ACTN4: variants seen among roughly 807,000 people sequenced by gnomAD.
The protein encoded by ACTN4 is alpha-actinin-4.
ACTN4 carries 18 observed loss-of-function variants against 114.2 expected under a neutral mutation model. That is an observed-to-expected ratio of 0.16 (90% CI 0.11 to 0.23). The LOEUF (loss-of-function observed/expected upper bound fraction) is 0.23, where lower values mean the gene tolerates loss of function less well. Ranked by LOEUF, ACTN4 falls within the 10% of genes least tolerant of loss-of-function variation. ACTN4 has a pLI of 1.00. For synonymous variants in ACTN4, 515 were observed against 506.3 expected (o/e 1.02, Z -0.23); for missense variants, 722 against 1,262.9 (o/e 0.57, Z 6.49).
intron 1 of ACTN4, among the ~76,000 whole-genome samples, chr19:38,678,666 C>CCTTTTT (rs1291280095): frequency 1.3e-5 from 2 of 152,216 alleles, no homozygotes; most frequent in African/African-American, 4.8e-5. Context: ...ACACAGCCAC[C>CCTTTTT]CTTTTTCTCT....
intron 1 of ACTN4, among the ~76,000 whole-genome samples, chr19:38,691,039 G>A (rs1334305883): frequency 2.6e-5 from 4 of 152,178 alleles, no homozygotes; most frequent in Non-Finnish European, 5.9e-5. Flanking sequence ...CCTCCTCTGG[G>A]GAGCTTATGC....
chr19:38,682,777 C>T (rs369262530), intron 1 of ACTN4, among the ~76,000 whole-genome samples: 152 of 152,314 alleles, frequency 1.0e-3, no homozygotes, highest in African/African-American at 3.4e-3. Context: ...GCTCCAGCCA[C>T]ACTCACCAGG....
chr19:38,729,714 A>G lies in ACTN4; in HGVS notation c.*282A>G, dbSNP rs1422714082. The G allele has an allele frequency of 1.6e-6, 1 of 624,022 alleles. No individual in the cohort carries two copies. The highest frequency in any genetic ancestry group is 3.0e-6 in the Non-Finnish European group (1 of 336,962). 38.7% of individuals were successfully genotyped at this position (624,022 alleles called of 1,614,324 possible). A position where few individuals can be genotyped will look rare whatever the true frequency, so the allele number is the denominator to read the frequency against. ...TTTTTAACCAAGGAGGGGCCAGTGG[A>G]TTCCCACAGCACAACCGGTCCCTTC... is the stretch of plus-strand genomic sequence containing the variant. On this transcript the variant is annotated 3_prime_UTR_variant, in exon 21 of 21. Coordinates refer to ENST00000252699, the MANE Select transcript of ACTN4 (RefSeq NM_004924.6).
rs528178848 is a variant in ACTN4 at position 38,714,654 on chromosome 19, G to A, written c.912+93G>A. The A allele has an allele frequency of 5.9e-3, 7,854 of 1,327,430 alleles. 43 individuals are homozygous for A. The highest frequency in any genetic ancestry group is 7.7e-3 in the Non-Finnish European group (7,170 of 932,278). 82.2% of individuals were successfully genotyped at this position (1,327,430 alleles called of 1,614,324 possible). ...GCAGGGGGAAAGCAGGTGTGGCAGC[G>A]AGATGACCTAGAAAAGGCTGCGTGG... is the stretch of plus-strand genomic sequence containing the variant. On this transcript the variant is annotated intron_variant, in intron 9 of 20. Transcript: ENST00000252699.
chr19:38,679,778 G>A (rs1339134859), intron 1 of ACTN4, among the ~76,000 whole-genome samples: 1 of 152,002 alleles, frequency 6.6e-6, no homozygotes, highest in Non-Finnish European at 1.5e-5. Context: ...TTACAAGTGT[G>A]AGCCACCGCA....
At position 38,724,409 on chromosome 19, in the gene ACTN4, C is replaced by T. The variant is rs753815188; in HGVS notation, c.1876-22C>T. ...TGGGGGCCACCTCCCTGACCGCTCC[C>T]ACACCGCGTCTCCTCTGCCAGGTGC... is the stretch of plus-strand genomic sequence containing the variant. On this transcript the variant is annotated intron_variant, in intron 15 of 20. Transcript: ENST00000252699. The surrounding 1 kb of genome is among the most constrained non-coding windows in gnomAD (Gnocchi z 7.0). The T allele has an allele frequency of 1.2e-6, 2 of 1,612,548 alleles. No individual in the cohort carries two copies. Among genetic ancestry groups the T allele is most frequent in the Admixed American group, 1.7e-5 (1 of 59,950 alleles).
chr19:38,679,807 T>C (rs1967499149), intron 1 of ACTN4, among the ~76,000 whole-genome samples: 1 of 152,160 alleles, frequency 6.6e-6, no homozygotes, highest in Non-Finnish European at 1.5e-5. Context: ...ATGTATGTAT[T>C]TTTAAACATA....
At chr19:38,677,164 C>G (rs540848244) in intron 1 of ACTN4, among the ~76,000 whole-genome samples, 15 of 152,176 alleles carry the variant, frequency 9.9e-5, no homozygotes, top group Admixed American at 9.8e-4. Flanking sequence ...GCCGTCGCAC[C>G]TGACACCTCC....
At chr19:38,667,523 T>G (rs1966997733) in intron 1 of ACTN4, among the ~76,000 whole-genome samples, 1 of 152,164 alleles carries the variant, frequency 6.6e-6, no homozygotes, top group South Asian at 2.1e-4. Flanking sequence ...TGCTGCTGCT[T>G]TTTCAGAGAC....
At chr19:38,677,064 G>A (rs777196280) in intron 1 of ACTN4, among the ~76,000 whole-genome samples, 21 of 152,094 alleles carry the variant, frequency 1.4e-4, no homozygotes, top group South Asian at 4.1e-4. Flanking sequence ...GACTTCACAC[G>A]GGGCCCTTGC....
At chr19:38,723,825 G>T (rs922160075) in intron 13 of ACTN4, 103 bp downstream of exon 13, 254 of 1,464,470 alleles carry the variant, frequency 1.7e-4, no homozygotes, top group Non-Finnish European at 2.2e-4. Flanking sequence ...CACCTCCCAC[G>T]GAGAGGATGT....
At chr19:38,693,896 A>G (rs1243668966) in intron 1 of ACTN4, among the ~76,000 whole-genome samples, 1 of 152,086 alleles carries the variant, frequency 6.6e-6, no homozygotes, top group Non-Finnish European at 1.5e-5. Flanking sequence ...GTGGATCCCA[A>G]CTCAACTGAC....
chr19:38,669,745 T>G (rs1181575885), intron 1 of ACTN4, among the ~76,000 whole-genome samples: 1 of 152,180 alleles, frequency 6.6e-6, no homozygotes, highest in African/African-American at 2.4e-5. Flanking sequence ...TTTAACAGGC[T>G]GGTAACAGTG....
intron 1 of ACTN4, among the ~76,000 whole-genome samples, chr19:38,691,895 CTG>C (rs1449154648): frequency 1.3e-5 from 2 of 152,176 alleles, no homozygotes; most frequent in Non-Finnish European, 2.9e-5. Context: ...CAGCGAGACT[CTG>C]TCTCAAAACA....
chr19:38,673,286 G>A (rs902467299), intron 1 of ACTN4, among the ~76,000 whole-genome samples: 5 of 150,964 alleles, frequency 3.3e-5, no homozygotes, highest in Admixed American at 6.7e-5. Context: ...ACTATGTGCC[G>A]TAAACAAGGT....
intron 19 of ACTN4, 22 bp downstream of exon 19, chr19:38,728,048 C>T (rs376713610): frequency 5.6e-5 from 90 of 1,594,362 alleles, no homozygotes; most frequent in Middle Eastern, 3.3e-4. Context: ...TGGGCCCCAG[C>T]GGACCATGGC....
At chr19:38,714,140 C>G (rs777270009) in intron 8 of ACTN4, among the ~76,000 whole-genome samples, 10 of 152,306 alleles carry the variant, frequency 6.6e-5, no homozygotes, top group South Asian at 2.1e-4. Flanking sequence ...CCTCCGCAGT[C>G]TTAGGTCCAA....
Position 38,717,049 on chromosome 19 carries a change from C to A in ACTN4, c.913-37C>A. 6.3e-7 allele frequency: 1 copy of A among 1,588,866 alleles called. No homozygotes were observed. The highest frequency in any genetic ancestry group is 1.1e-5 in the South Asian group (1 of 88,408). On this transcript the variant is annotated intron_variant, in intron 9 of 20. Coordinates refer to ENST00000252699, the MANE Select transcript of ACTN4 (RefSeq NM_004924.6). This position sits in a 1 kb window ranked among gnomAD's most constrained non-coding sequence, Gnocchi z 4.0. ...GGCAGCCCGTCAGCACTCTGAGGGTCCCCCACAAAGGCCACGCTGGCTTCT... is the reference window on the plus strand; with the variant it reads ...GGCAGCCCGTCAGCACTCTGAGGGTACCCCACAAAGGCCACGCTGGCTTCT...
At position 38,647,674 on chromosome 19, in the gene ACTN4, C is replaced by T. The variant is rs1018493210; in HGVS notation, c.-72C>T. On this transcript the variant is annotated 5_prime_UTR_variant, in exon 1 of 21. Coordinates refer to ENST00000252699, the MANE Select transcript of ACTN4 (RefSeq NM_004924.6). ...GAAGCAGCTGAAGCGGCGGTAGCGG[C>T]GGCGGCTCGGGCAGAGGGGCGGGAG... 3.7e-5 allele frequency: 55 copies of T among 1,479,958 alleles called. No homozygotes were observed. Among genetic ancestry groups the T allele is most frequent in the Non-Finnish European group, 4.7e-5 (52 of 1,114,238 alleles). 91.7% of individuals were successfully genotyped at this position (1,479,958 alleles called of 1,614,324 possible).
Sources: gnomAD v4.1 joint callset for allele counts (sites outside exome capture counted in the v4.1 genomes callset) on GRCh38, gnomAD v4.1.1 for gene constraint, Gnocchi (gnomAD v3.1) non-coding constraint, MANE v1.5 for transcripts, NCBI Gene and HGNC (gene_info 2026-07-23, HGNC 2026-07-21) for gene names.